Variants in C3orf33 observed in about 807,000 individuals in gnomAD.
C3orf33 encodes the protein mitochondrial inner membrane subdomain organizer 1, also known as AP-1 activity suppressor.
Under a neutral mutation model 28.7 loss-of-function variants are expected in C3orf33, and 23 were observed. The ratio of observed to expected loss-of-function variants is 0.80; its 90% confidence interval spans 0.58 to 1.13. The LOEUF (loss-of-function observed/expected upper bound fraction) is 1.13. Ranked by LOEUF, C3orf33 falls within the 50% of genes most tolerant of loss-of-function variation. The pLI, the probability that C3orf33 is intolerant of heterozygous loss-of-function variation, is 0.00. For synonymous variants in C3orf33, 119 were observed against 120.5 expected (o/e 0.99, Z 0.08); for missense variants, 327 against 353.4 (o/e 0.93, Z 0.60).
Position 155,805,733 on chromosome 3 carries a change from A to G in C3orf33, c.114+406T>C, listed in dbSNP as rs558545982. 179 of 446,968 alleles carry G rather than the reference A, an allele frequency of 4.0e-4. 3 individuals carry two copies. The highest frequency in any genetic ancestry group is 2.8e-3 in the South Asian group (176 of 61,862). 27.7% of individuals were successfully genotyped at this position (446,968 alleles called of 1,614,324 possible). On this transcript the variant is annotated intron_variant, in intron 1 of 4. Transcript: ENST00000340171. ...GAGGAATACCGTGTCCCTAAAAAAT[A>G]AAATTAAAAATAAATAAAAATTAGA...
intron 2 of C3orf33, among the ~76,000 whole-genome samples, chr3:155,780,751 T>C (rs1444278260): frequency 1.3e-5 from 2 of 152,080 alleles, no homozygotes; most frequent in Non-Finnish European, 2.9e-5. Flanking sequence ...TAGAGGTGGC[T>C]ATGTGACAGA....
At chr3:155,772,837 A>G (rs2109255547) in intron 3 of C3orf33, among the ~76,000 whole-genome samples, 1 of 150,584 alleles carries the variant, frequency 6.6e-6, no homozygotes, top group East Asian at 2.0e-4. Context: ...CATACCAAAA[A>G]TAAGACAGCC....
chr3:155,794,974 A>C (rs538410900), intron 2 of C3orf33, among the ~76,000 whole-genome samples: 1 of 152,350 alleles, frequency 6.6e-6, no homozygotes, highest in South Asian at 2.1e-4. Flanking sequence ...GGAGACGTGA[A>C]CACCCCACTT....
chr3:155,785,776 T>C (rs1751081023), intron 2 of C3orf33, among the ~76,000 whole-genome samples: 1 of 152,068 alleles, frequency 6.6e-6, no homozygotes, highest in African/African-American at 2.4e-5. Context: ...CAGTGGCTCA[T>C]GCCTGTAATC....
intron 2 of C3orf33, among the ~76,000 whole-genome samples, chr3:155,794,580 T>C (rs1463464750): frequency 2.0e-5 from 3 of 151,662 alleles, no homozygotes; most frequent in East Asian, 1.9e-4. Flanking sequence ...CCAAAAGACA[T>C]AGAGTAGCTG....
At chr3:155,791,501 G>A (rs1751314421) in intron 2 of C3orf33, among the ~76,000 whole-genome samples, 2 of 152,044 alleles carry the variant, frequency 1.3e-5, no homozygotes, top group Admixed American at 1.3e-4. Context: ...TGCCACAATG[G>A]GGTAAAGCAC....
chr3:155,776,571 G>A lies in C3orf33; in HGVS notation c.175-723C>T, dbSNP rs190692200. Among the ~76,000 whole-genome samples, 365 of 151,846 alleles carry A rather than the reference G, an allele frequency of 2.4e-3. 3 individuals are homozygous for A. The highest frequency in any genetic ancestry group is 8.6e-3 in the African/African-American group (357 of 41,424). ...GGCTTAGGTTGGAGGGTTACTTGAG[G>A]CCAGAAGTTTGAGACCAGCCTGGGC... is the stretch of plus-strand genomic sequence containing the variant. On this transcript the variant is annotated intron_variant, in intron 2 of 4. Transcript: ENST00000340171.
chr3:155,780,967 C>T (rs1194747141), intron 2 of C3orf33, among the ~76,000 whole-genome samples: 4 of 152,054 alleles, frequency 2.6e-5, no homozygotes, highest in African/African-American at 9.6e-5. Flanking sequence ...CAAGGAACCA[C>T]TGCCAGCAGC....
chr3:155,771,474 G>T (rs1750590008), intron 3 of C3orf33, among the ~76,000 whole-genome samples: 1 of 152,028 alleles, frequency 6.6e-6, no homozygotes. Context: ...TAGAGACAGG[G>T]TTTCACCATG....
At position 155,767,682 on chromosome 3, in the gene C3orf33, G is replaced by C. The variant is rs1401990907; in HGVS notation, c.323-13C>G. The C allele has an allele frequency of 2.7e-6, 4 of 1,484,402 alleles. No individual in the cohort carries two copies. In the South Asian group the frequency reaches 5.7e-5, roughly 21 times the overall value. 92.0% of individuals were successfully genotyped at this position (1,484,402 alleles called of 1,614,324 possible). On this transcript the variant is annotated splice_polypyrimidine_tract_variant and intron_variant, in intron 3 of 4. Coordinates refer to ENST00000340171, the MANE Select transcript of C3orf33 (RefSeq NM_001308229.2). ...CCACGTGGCTCTTCTAAAAAGGTTA[G>C]GTAGAAAAGAGTTTAGCTTTAACAG...
intron 2 of C3orf33, among the ~76,000 whole-genome samples, chr3:155,793,834 A>AAAAAAAAAAC (rs778070795): frequency 7.5e-5 from 11 of 146,594 alleles, no homozygotes; most frequent in East Asian, 2.0e-4. Context: ...AAAACTAAAA[A>AAAAAAAAAAC]AACTAAAAAA....
At chr3:155,775,668 T>C (rs1750723011) in intron 3 of C3orf33, 33 bp downstream of exon 3, 1 of 1,385,386 alleles carries the variant, frequency 7.2e-7, no homozygotes, top group Non-Finnish European at 9.8e-7. Context: ...AAGACCACAA[T>C]AGTTAGTTTC....
chr3:155,805,991 C>A (rs948933544), intron 1 of C3orf33, 148 bp downstream of exon 1: 36 of 553,894 alleles, frequency 6.5e-5, no homozygotes, highest in Non-Finnish European at 7.2e-5. Context: ...ACGACACTCG[C>A]GATGTCGCCC....
chr3:155,783,900 T>A (rs769926822), intron 2 of C3orf33, among the ~76,000 whole-genome samples: 38 of 151,132 alleles, frequency 2.5e-4, no homozygotes, highest in Non-Finnish European at 4.9e-4. Context: ...AGTTTATGGG[T>A]TTTTTTGTTT....
intron 3 of C3orf33, among the ~76,000 whole-genome samples, chr3:155,773,505 T>C (rs1230203080): frequency 6.6e-6 from 1 of 152,214 alleles, no homozygotes; most frequent in African/African-American, 2.4e-5. Context: ...TTAATCTCTA[T>C]AGAAAATATT....
At chr3:155,785,564 A>C (rs1751076135) in intron 2 of C3orf33, among the ~76,000 whole-genome samples, 1 of 152,202 alleles carries the variant, frequency 6.6e-6, no homozygotes, top group South Asian at 2.1e-4. Context: ...AAAATTTGCA[A>C]ATCTGTGGCA....
intron 2 of C3orf33, among the ~76,000 whole-genome samples, chr3:155,779,428 G>A (rs35769564): frequency 0.37 from 55,720 of 151,868 alleles, 11,554 homozygotes; most frequent in Middle Eastern, 0.51. Context: ...CTGAGTAGCT[G>A]GGATTACAGG....
intron 2 of C3orf33, among the ~76,000 whole-genome samples, chr3:155,778,141 CAAAAAAAAA>C (rs55700532): frequency 3.3e-4 from 25 of 75,768 alleles, no homozygotes; most frequent in African/African-American, 1.0e-3. Flanking sequence ...AACTCCATTT[CAAAAAAAAA>C]AAAAAAAAAA....
intron 2 of C3orf33, among the ~76,000 whole-genome samples, chr3:155,791,585 T>C (rs1237714472): frequency 6.6e-6 from 1 of 152,056 alleles, no homozygotes; most frequent in African/African-American, 2.4e-5. Context: ...CCTGGGCCAG[T>C]GGGGAGACCA....
Sources: allele counts gnomAD v4.1 joint callset (sites outside exome capture counted in the v4.1 genomes callset), GRCh38; gene constraint gnomAD v4.1.1; transcripts MANE v1.5; gene names NCBI Gene and HGNC (gene_info 2026-07-23, HGNC 2026-07-21).